Variants in TTC21B observed in about 807,000 individuals in gnomAD.
TTC21B encodes the protein tetratricopeptide repeat protein 21B.
TTC21B carries 127 observed loss-of-function variants against 175.1 expected under a neutral mutation model. The ratio of observed to expected loss-of-function variants is 0.73; its 90% CI spans 0.63 to 0.84. TTC21B has a LOEUF of 0.84. TTC21B is among the 40% of genes least tolerant of loss of function. The pLI, the probability that TTC21B is intolerant of heterozygous loss-of-function variation, is 0.00. For missense variants in TTC21B, 1,561 were observed against 1,558.3 expected (o/e 1.00, Z -0.03); for synonymous variants, 524 against 524.5 (o/e 1.00, Z 0.01).
At position 165,899,957 on chromosome 2, in the gene TTC21B, T is replaced by C. The variant is rs986998450; in HGVS notation, c.2758-77A>G. On this transcript the variant is annotated intron_variant, in intron 20 of 28. Coordinates refer to ENST00000243344, the MANE Select transcript of TTC21B (RefSeq NM_024753.5). ...ATGAGGAAAATACGTGGGTACAGATTAAACTTTAGTTGACCAAAAGTCATT... is the reference window on the plus strand; with the variant it reads ...ATGAGGAAAATACGTGGGTACAGATCAAACTTTAGTTGACCAAAAGTCATT... 3.6e-5 allele frequency: 24 copies of C among 665,738 alleles called. No homozygotes were observed. In the East Asian group the frequency reaches 1.3e-3, roughly 35 times the overall value. The allele number at this position is 665,738 out of a possible 1,614,324, so 41.2% of individuals were successfully genotyped here. A position where few individuals can be genotyped will look rare whatever the true frequency, so the allele number is the denominator to read the frequency against.
At chr2:165,919,191 C>T in intron 13 of TTC21B, 85 bp downstream of exon 13, 1 of 1,516,374 alleles carries the variant, frequency 6.6e-7, no homozygotes. Context: ...TAGCAAAATA[C>T]TACAGGCTAA....
chr2:165,887,127 G>C (rs1159604706), intron 25 of TTC21B, among the ~76,000 whole-genome samples: 6 of 152,118 alleles, frequency 3.9e-5, no homozygotes, highest in Non-Finnish European at 7.4e-5. Flanking sequence ...ATCTCCTCCA[G>C]GGCCCTAAAA....
At chr2:165,933,895 CAAG>C (rs1687007787) in intron 6 of TTC21B, 1 of 152,130 alleles carries the variant, frequency 6.6e-6, no homozygotes, top group Non-Finnish European at 1.5e-5. Flanking sequence ...GCTATCAGTA[CAAG>C]AAGAATTTCC....
At chr2:165,896,988 T>A (rs1685388467) in intron 22 of TTC21B, among the ~76,000 whole-genome samples, 1 of 152,108 alleles carries the variant, frequency 6.6e-6, no homozygotes. Flanking sequence ...CCCTGGAACA[T>A]CAATGCCCAG....
chr2:165,910,530 A>G (rs79655329), intron 18 of TTC21B, among the ~76,000 whole-genome samples: 6,810 of 152,260 alleles, frequency 0.045, 218 homozygotes, highest in African/African-American at 0.082. Context: ...ATATATGCAA[A>G]TGTACACTAA....
chr2:165,924,582 C>A lies in TTC21B; in HGVS notation c.1483G>T (p.Val495Phe). The A allele has an allele frequency of 6.2e-7, 1 of 1,613,752 alleles. No individual in the cohort carries two copies. The highest frequency in any genetic ancestry group is 8.5e-7 in the Non-Finnish European group (1 of 1,179,810). Residue 495 changes from valine (V) to phenylalanine (F), a missense_variant, in exon 12 of 29, where the codon GTC becomes TTC. Transcript: ENST00000243344. ...TATTTCACTTTTGCTATTAGGAAGA[C>A]TGTTTGCAGAAGACCTGGAACAGTT... ...VRTVPGLLQT[V>F]FLIAKVKYLS... is the part of the protein sequence containing the mutation.
chr2:165,886,884 T>C (rs751211959), intron 25 of TTC21B, among the ~76,000 whole-genome samples: 1 of 152,230 alleles, frequency 6.6e-6, no homozygotes, highest in Non-Finnish European at 1.5e-5. Context: ...GCCCTACTTC[T>C]GCTCTGCCTT....
chr2:165,919,470 G>A, intron 12 of TTC21B, 37 bp from the exon 13 acceptor site: 1 of 1,602,994 alleles, frequency 6.2e-7, no homozygotes, highest in Non-Finnish European at 8.5e-7. Flanking sequence ...TAATTCAAAT[G>A]ATTAAGAAAT....
At chr2:165,877,743 GTA>G (rs921457386) in intron 27 of TTC21B, among the ~76,000 whole-genome samples, 3 of 151,886 alleles carry the variant, frequency 2.0e-5, no homozygotes, top group African/African-American at 7.3e-5. Flanking sequence ...ATATAGGTGT[GTA>G]TATATATATC....
chr2:165,918,696 A>G (rs1686277050), intron 13 of TTC21B, among the ~76,000 whole-genome samples: 1 of 152,100 alleles, frequency 6.6e-6, no homozygotes, highest in African/African-American at 2.4e-5. Flanking sequence ...GAGCTCCTCC[A>G]TGACTTGAGG....
At position 165,888,370 on chromosome 2, in the gene TTC21B, C is replaced by T. The variant is rs773696688; in HGVS notation, c.3368G>A (p.Arg1123His). Residue 1123 changes from arginine to histidine, a missense_variant, in exon 25 of 29, where the codon CGC (arginine) becomes CAC (histidine). Physicochemically the swap from Arg to His is conservative, Grantham distance 29. Coordinates refer to ENST00000243344, the MANE Select transcript of TTC21B (RefSeq NM_024753.5). Reference sequence around the variant, plus strand: ...CATTAAGCAATAGTTTTCCATTATGCGAAGCTGTACGTGACCCTGAACAGT... The same window carrying T: ...CATTAAGCAATAGTTTTCCATTATGTGAAGCTGTACGTGACCCTGAACAGT... ...PQTVQGHVQL[R>H]IMENYCLMAT... 1.9e-5 allele frequency: 30 copies of T among 1,613,698 alleles called. No individual in the cohort carries two copies. The highest frequency in any genetic ancestry group is 4.5e-5 in the East Asian group (2 of 44,820).
chr2:165,902,100 A>G (rs1237405567), intron 19 of TTC21B, among the ~76,000 whole-genome samples, 190 bp from the exon 20 acceptor site: 1 of 152,214 alleles, frequency 6.6e-6, no homozygotes. Flanking sequence ...CAGCACACAT[A>G]TATCTTTCCA....
At chr2:165,953,018 C>T (rs937572899) in intron 1 of TTC21B, among the ~76,000 whole-genome samples, 6 of 152,226 alleles carry the variant, frequency 3.9e-5, no homozygotes, top group Non-Finnish European at 8.8e-5. Flanking sequence ...TTGCTCACTG[C>T]TATCTCCAGC....
intron 12 of TTC21B, among the ~76,000 whole-genome samples, chr2:165,920,437 T>C (rs1686344224): frequency 1.3e-5 from 2 of 152,172 alleles, no homozygotes; most frequent in African/African-American, 2.4e-5. Flanking sequence ...CATCAAAGTT[T>C]AGCAATCAAC....
chr2:165,945,270 G>A (rs1469689110), intron 4 of TTC21B, among the ~76,000 whole-genome samples: 4 of 151,774 alleles, frequency 2.6e-5, no homozygotes. Context: ...GAAAAAGAAA[G>A]AGAAAAACAG....
At chr2:165,913,091 T>C (rs550235544) in intron 16 of TTC21B, among the ~76,000 whole-genome samples, 23 of 151,968 alleles carry the variant, frequency 1.5e-4, no homozygotes, top group African/African-American at 5.6e-4. Context: ...CAGGCTGGAG[T>C]GCAGTGGCGC....
At chr2:165,895,972 G>A (rs1389597226) in intron 22 of TTC21B, among the ~76,000 whole-genome samples, 2 of 151,974 alleles carry the variant, frequency 1.3e-5, no homozygotes, top group African/African-American at 4.8e-5. Context: ...TTTTGTGCTC[G>A]CTGGGGATAT....
At chr2:165,894,424 T>C (rs984008875) in intron 22 of TTC21B, among the ~76,000 whole-genome samples, 1 of 152,142 alleles carries the variant, frequency 6.6e-6, no homozygotes, top group African/African-American at 2.4e-5. Context: ...AATGTACACA[T>C]AAAATGAACG....
chr2:165,923,439 GGTC>G (rs1431525782), intron 12 of TTC21B, among the ~76,000 whole-genome samples: 1 of 149,876 alleles, frequency 6.7e-6, no homozygotes, highest in East Asian at 2.0e-4. Flanking sequence ...ATAATATGAT[GGTC>G]TTTTTTTTTT....
Sources: gnomAD v4.1 joint callset for allele counts (sites outside exome capture counted in the v4.1 genomes callset) on GRCh38, gnomAD v4.1.1 for gene constraint, MANE v1.5 for transcripts, NCBI Gene and HGNC (gene_info 2026-07-23, HGNC 2026-07-21) for gene names.